PPP2R5C: variants seen among roughly 807,000 people sequenced by gnomAD.
The protein encoded by PPP2R5C is protein phosphatase 2 regulatory subunit B'gamma.
Under a neutral mutation model 68.9 loss-of-function variants are expected in PPP2R5C, and 7 were observed. The observed-to-expected ratio is 0.10, with a 90% confidence interval of 0.06 to 0.19. The LOEUF (loss-of-function observed/expected upper bound fraction) is 0.19, where lower values mean the gene tolerates loss of function less well. PPP2R5C is among the 10% of genes least tolerant of loss of function. The probability of loss-of-function intolerance (pLI) is 1.00; values close to 1 mark genes in which losing one functional copy is unlikely to be tolerated. For synonymous variants in PPP2R5C, 210 were observed against 222.2 expected, an observed-to-expected ratio of 0.95 and a Z score of 0.49; for missense variants, 348 against 641.3, an observed-to-expected ratio of 0.54 and a Z score of 4.94.
intron 2 of PPP2R5C, among the ~76,000 whole-genome samples, chr14:101,878,649 G>A (rs532529127): frequency 6.4e-4 from 97 of 152,340 alleles, no homozygotes; most frequent in Admixed American, 5.0e-3. Flanking sequence ...TGGACAGGCA[G>A]CGGGCACGAG....
At chr14:101,889,755 G>C in intron 5 of PPP2R5C, 1 of 329,400 alleles carries the variant, frequency 3.0e-6, no homozygotes, top group South Asian at 2.4e-5. Context: ...AGGAGTTCAG[G>C]AATCACTTCT....
At chr14:101,896,316 G>C (rs1458467407) in intron 8 of PPP2R5C, among the ~76,000 whole-genome samples, 1 of 151,366 alleles carries the variant, frequency 6.6e-6, no homozygotes, top group Non-Finnish European at 1.5e-5. Context: ...CACCACACCC[G>C]ACCTGTTGTT....
In PPP2R5C at chr14:101,835,441, A is replaced by G. The variant is rs968195563; in HGVS notation, c.95-21245A>G. 6.6e-6 allele frequency among the ~76,000 whole-genome samples: 1 copy of G among 152,224 alleles called. No individual in the cohort carries two copies. Among genetic ancestry groups the G allele is most frequent in the African/African-American group, 2.4e-5 (1 of 41,458 alleles). On this transcript the variant is annotated intron_variant, in intron 1 of 13. Coordinates refer to ENST00000334743, the Ensembl canonical transcript of PPP2R5C. This position sits in a 1 kb window ranked among gnomAD's most constrained non-coding sequence, Gnocchi z 5.0. ...TGATTCAGGTATTTGGTTGGTGATC[A>G]TGTTATCAAGTCAGACTTGCAGTTA...
intron 6 of PPP2R5C, among the ~76,000 whole-genome samples, chr14:101,892,700 A>T (rs2045033833): frequency 6.6e-6 from 1 of 152,130 alleles, no homozygotes; most frequent in African/African-American, 2.4e-5. Flanking sequence ...GGACCGGAGC[A>T]CTATATGAAG....
chr14:101,857,832 T>A (rs1698643150), intron 2 of PPP2R5C, among the ~76,000 whole-genome samples: 1 of 152,242 alleles, frequency 6.6e-6, no homozygotes, highest in Admixed American at 6.5e-5. Flanking sequence ...GAACTCTTTG[T>A]TAAGTTACTG....
intron 2 of PPP2R5C, among the ~76,000 whole-genome samples, chr14:101,769,726 T>C (rs1301088538): frequency 2.0e-5 from 3 of 152,190 alleles, no homozygotes; most frequent in Non-Finnish European, 4.4e-5. Flanking sequence ...TGGAAAAAAG[T>C]GTAGTCTCAT....
At chr14:101,875,989 C>T (rs184947975) in intron 2 of PPP2R5C, among the ~76,000 whole-genome samples, 1 of 152,028 alleles carries the variant, frequency 6.6e-6, no homozygotes, top group Non-Finnish European at 1.5e-5. Flanking sequence ...GTCTCTGTTT[C>T]TTTTTTGTAT....
At chr14:101,885,681 G>A (rs1051623806) in intron 5 of PPP2R5C, among the ~76,000 whole-genome samples, 7 of 152,208 alleles carry the variant, frequency 4.6e-5, no homozygotes, top group East Asian at 3.8e-4. Flanking sequence ...AATGGAGCCC[G>A]GTGCTGGACA....
intron 1 of PPP2R5C, among the ~76,000 whole-genome samples, chr14:101,847,456 G>A (rs1484462704): frequency 1.3e-5 from 2 of 152,034 alleles, no homozygotes; most frequent in African/African-American, 2.4e-5. Context: ...CCTCAGCTGT[G>A]GTTCCTGTTC....
At chr14:101,849,913 G>T (rs2042052242) in intron 1 of PPP2R5C, among the ~76,000 whole-genome samples, 1 of 152,156 alleles carries the variant, frequency 6.6e-6, no homozygotes, top group East Asian at 1.9e-4. Context: ...TTGATTTCTG[G>T]AACAGCAAGT....
At chr14:101,807,320 G>A (rs2039116874), upstream of PPP2R5C, among the ~76,000 whole-genome samples, 2 of 152,090 alleles carry the variant, frequency 1.3e-5, no homozygotes, top group South Asian at 2.1e-4. Flanking sequence ...TCAGTTTGGG[G>A]CTGTGGCTTC....
intron 2 of PPP2R5C, among the ~76,000 whole-genome samples, chr14:101,770,299 C>T (rs969322152): frequency 3.3e-5 from 5 of 152,130 alleles, no homozygotes; most frequent in African/African-American, 7.2e-5. Context: ...TTGTTCTGTG[C>T]GAGCACTGTG....
At chr14:101,881,418 A>T (rs2044165310) in intron 2 of PPP2R5C, among the ~76,000 whole-genome samples, 1 of 152,170 alleles carries the variant, frequency 6.6e-6, no homozygotes, top group East Asian at 1.9e-4. Context: ...ATAAATAAAT[A>T]CATAGATTTA....
chr14:101,809,393 AAAAAAAAAAAAC>A (rs1338970501), upstream of PPP2R5C, among the ~76,000 whole-genome samples: 2 of 124,248 alleles, frequency 1.6e-5, no homozygotes, highest in African/African-American at 3.6e-5. Flanking sequence ...ACCATTTGTT[AAAAAAAAAAAAC>A]AAAAAAAAAA....
At chr14:101,922,156 T>C (rs2047041395) in intron 13 of PPP2R5C, 1 of 985,414 alleles carries the variant, frequency 1.0e-6, no homozygotes, top group Non-Finnish European at 1.2e-6. Context: ...TTTGTCCATG[T>C]CATTCCAGAT....
chr14:101,795,648 C>G (rs970382511), intron 3 of PPP2R5C, among the ~76,000 whole-genome samples: 1 of 152,044 alleles, frequency 6.6e-6, no homozygotes, highest in Non-Finnish European at 1.5e-5. Flanking sequence ...GGCTAACTAA[C>G]TAGAGACCCT....
At chr14:101,848,768 G>C (rs2041985034) in intron 1 of PPP2R5C, among the ~76,000 whole-genome samples, 1 of 152,210 alleles carries the variant, frequency 6.6e-6, no homozygotes, top group Non-Finnish European at 1.5e-5. Flanking sequence ...CAGAGGGTGG[G>C]TGTGTGGAAG....
chr14:101,852,469 C>CTTTTTTTTTTTTTTT (rs559509845), intron 1 of PPP2R5C, among the ~76,000 whole-genome samples: 6 of 115,104 alleles, frequency 5.2e-5, no homozygotes, highest in Admixed American at 1.8e-4. Flanking sequence ...TTTTCTTTTT[C>CTTTTTTTTTTTTTTT]TTTTTTTTTT....
At chr14:101,880,660 G>A (rs997372338) in intron 2 of PPP2R5C, among the ~76,000 whole-genome samples, 12 of 152,196 alleles carry the variant, frequency 7.9e-5, no homozygotes, top group African/African-American at 2.9e-4. Flanking sequence ...AGCAGAGCAT[G>A]GTGGTGCGTG....
Sources: allele counts gnomAD v4.1 joint callset (sites outside exome capture counted in the v4.1 genomes callset), GRCh38; gene constraint gnomAD v4.1.1; non-coding constraint Gnocchi (gnomAD v3.1); transcripts MANE v1.5; gene names NCBI Gene and HGNC (gene_info 2026-07-23, HGNC 2026-07-21).